Variants in PRRC2B observed in about 807,000 individuals in gnomAD.
PRRC2B encodes proline rich coiled-coil 2B, also known as protein PRRC2B.
PRRC2B carries 68 observed loss-of-function variants against 242.3 expected under a neutral mutation model. The ratio of observed to expected loss-of-function variants is 0.28; its 90% CI spans 0.23 to 0.34. PRRC2B has a LOEUF of 0.34. Ranked by LOEUF, PRRC2B falls within the 10% of genes least tolerant of loss-of-function variation. The pLI is 1.00. For missense variants in PRRC2B, 2,835 were observed against 2,954.8 expected (o/e 0.96, Z 0.94); for synonymous variants, 1,228 against 1,173.6 (o/e 1.05, Z -0.95).
intron 1 of PRRC2B, among the ~76,000 whole-genome samples, chr9:131,397,327 A>C (rs1214058951): frequency 6.6e-6 from 1 of 151,928 alleles, no homozygotes; most frequent in Non-Finnish European, 1.5e-5. Context: ...TCCAGCCTCC[A>C]CTGGGCCCAA....
At chr9:131,421,151 G>C (rs1174240064) in intron 1 of PRRC2B, among the ~76,000 whole-genome samples, 1 of 152,220 alleles carries the variant, frequency 6.6e-6, no homozygotes, top group Non-Finnish European at 1.5e-5. Flanking sequence ...TACATTTACT[G>C]TCTGGCCCTT....
chr9:131,472,459 C>G (rs1403285924), intron 14 of PRRC2B, among the ~76,000 whole-genome samples: 2 of 149,664 alleles, frequency 1.3e-5, no homozygotes, highest in Non-Finnish European at 3.0e-5. Flanking sequence ...CGCCCACCAC[C>G]ACGCCCAGCT....
rs753324352 is a variant in PRRC2B, at chr9:131,470,948, C to T, written c.2072C>T (p.Pro691Leu). The stretch of plus-strand genomic sequence containing the variant: ...CCACGTATCACGCCCACTCGGACCC[C>T]GGTGGACTTCTACCCCTCCGCCCTG... ...MDPRITPTRT[P>L]VDFYPSALHP... The change falls in exon 14 of 32, where the codon CCG (proline) becomes CTG (leucine). Residue 691 changes from proline (P) to leucine (L), a missense_variant. Around this residue, in one of 7 missense-constraint regions of PRRC2B, gnomAD observed 1,536 missense variants for 1,483.1 expected, o/e 1.04. Transcript: ENST00000683519. 25 of 1,612,084 alleles carry T rather than the reference C, an allele frequency of 1.6e-5. No individual in the cohort carries two copies. Among genetic ancestry groups the T allele is most frequent in the East Asian group, 1.1e-4 (5 of 44,708 alleles).
intron 10 of PRRC2B, 35 bp from the exon 11 acceptor site, chr9:131,459,129 T>A: frequency 6.3e-7 from 1 of 1,598,524 alleles, no homozygotes; most frequent in Non-Finnish European, 8.6e-7. Context: ...TTGGCCTGAG[T>A]GCAAAAACTT....
At chr9:131,416,218 T>G (rs558011629) in intron 1 of PRRC2B, among the ~76,000 whole-genome samples, 104 of 152,128 alleles carry the variant, frequency 6.8e-4, no homozygotes, top group Middle Eastern at 3.4e-3. Flanking sequence ...AAGTGATTCT[T>G]CTGCCTCAGC....
chr9:131,406,340 C>T (rs989470336), intron 1 of PRRC2B, among the ~76,000 whole-genome samples: 10 of 152,278 alleles, frequency 6.6e-5, no homozygotes, highest in African/African-American at 2.2e-4. Flanking sequence ...TCTGTTCCCA[C>T]GAGCAAGGGC....
chr9:131,387,014 C>CTTTT (rs1042720965), intron 1 of PRRC2B, among the ~76,000 whole-genome samples: 13 of 147,976 alleles, frequency 8.8e-5, no homozygotes, highest in Admixed American at 7.2e-4. Context: ...TTCTTTCTTT[C>CTTTT]TTTTTTGAGA....
intron 1 of PRRC2B, among the ~76,000 whole-genome samples, chr9:131,418,144 T>C (rs55683397): frequency 0.01 from 1,533 of 152,370 alleles, 23 homozygotes; most frequent in Non-Finnish European, 0.013. Flanking sequence ...TGAACTCCTC[T>C]GTGCCAAGGA....
At position 131,446,791 on chromosome 9, in the gene PRRC2B, C is replaced by G. The variant is rs950378465; in HGVS notation, c.855+149C>G. The G allele has an allele frequency of 1.0e-6, 1 of 982,078 alleles. No homozygotes were observed. The allele number at this position is 982,078 out of a possible 1,614,324, so 60.8% of individuals were successfully genotyped here. Reference sequence around the variant, plus strand: ...TCCACTCGTTTTGCATTTTCTCTCCCTGCTTTTTAAATCTTCAGGGCCTCT... The same window carrying G: ...TCCACTCGTTTTGCATTTTCTCTCCGTGCTTTTTAAATCTTCAGGGCCTCT... On this transcript the variant is annotated intron_variant, in intron 7 of 31. Coordinates refer to ENST00000683519, the MANE Select transcript of PRRC2B (RefSeq NM_013318.4). This position sits in a 1 kb window ranked among gnomAD's most constrained non-coding sequence, Gnocchi z 4.1.
rs758669139 is a variant in PRRC2B at position 131,439,004 on chromosome 9, C to T, written c.412C>T (p.Pro138Ser). Residue 138 changes from proline (P) to serine (S), a missense_variant, in exon 5 of 32, where the codon CCA becomes TCA. Transcript: ENST00000683519. ...SISQENTNSV[P>S]GGPKSWAQLN... is the part of the protein sequence containing the mutation. ...CTTCTTTCAGAATACAAATTCAGTG[C>T]CAGGTGGACCAAAGTCATGGGCACA... is the stretch of plus-strand genomic sequence containing the variant. 1.5e-5 allele frequency: 24 copies of T among 1,613,162 alleles called. No individual in the cohort carries two copies. Among genetic ancestry groups the T allele is most frequent in the Non-Finnish European group, 1.4e-5 (16 of 1,179,486 alleles).
intron 1 of PRRC2B, among the ~76,000 whole-genome samples, chr9:131,397,303 G>A (rs775592010): frequency 2.0e-5 from 3 of 152,118 alleles, no homozygotes; most frequent in Non-Finnish European, 2.9e-5. Flanking sequence ...GTCCCATCTC[G>A]TACAGTGGCC....
chr9:131,442,070 G>C (rs766583366), intron 5 of PRRC2B, among the ~76,000 whole-genome samples: 1 of 152,066 alleles, frequency 6.6e-6, no homozygotes, highest in Non-Finnish European at 1.5e-5. Flanking sequence ...GAAAGAGATG[G>C]AACAGCAATG....
At chr9:131,440,955 G>C (rs1838550228) in intron 5 of PRRC2B, among the ~76,000 whole-genome samples, 1 of 152,048 alleles carries the variant, frequency 6.6e-6, no homozygotes, top group African/African-American at 2.4e-5. Context: ...CAAAAAATCA[G>C]CCAAGTGTGG....
Position 131,482,733 on chromosome 9 carries a change from G to A in PRRC2B, c.5199G>A (p.Gln1733=). 6.2e-7 allele frequency: 1 copy of A among 1,603,654 alleles called. No homozygotes were observed. The highest frequency in any genetic ancestry group is 8.5e-7 in the Non-Finnish European group (1 of 1,175,612). The change falls in exon 22 of 32, where the codon CAG becomes CAA. Residue 1733 remains glutamine, a synonymous_variant. Transcript: ENST00000683519. This position sits in a 1 kb window ranked among gnomAD's most constrained non-coding sequence, Gnocchi z 5.2. ...EQKDSEQGSG[Q]SKEHRPGPIG... ...AGGATTCAGAACAAGGCTCTGGACAGAGCAAGGAGCACAGACCAGGACCCA... is the reference window on the plus strand; with the variant it reads ...AGGATTCAGAACAAGGCTCTGGACAAAGCAAGGAGCACAGACCAGGACCCA...
chr9:131,495,710 A>G (rs1429816848), intron 31 of PRRC2B, 30 bp from the exon 32 acceptor site: 6 of 1,589,586 alleles, frequency 3.8e-6, no homozygotes, highest in Admixed American at 1.7e-5. Flanking sequence ...CGTCAGGGTC[A>G]CTTTGTTTTT....
Position 131,447,182 on chromosome 9 carries a change from A to G in PRRC2B, c.953A>G (p.Gln318Arg), listed in dbSNP as rs746902974. 23 of 1,613,976 alleles carry G rather than the reference A, an allele frequency of 1.4e-5. 1 individual carries two copies. The South Asian group carries it at 2.3e-4, about 16-fold the overall frequency. ...CTTGAACCTCGAGTTCCTTTTAGAC[A>G]GTTCCAGATGAATGACCAAGACGGG... is the stretch of plus-strand genomic sequence containing the variant. ...LRLEPRVPFR[Q>R]FQMNDQDGKE... The change falls in exon 8 of 32, where the codon CAG (glutamine) becomes CGG (arginine). Residue 318 changes from glutamine (Q) to arginine (R), a missense_variant. This residue lies in a region of PRRC2B where 626 missense variants were observed against 685.5 expected (regional missense o/e 0.91). Transcript: ENST00000683519.
chr9:131,407,639 A>G (rs907068270), intron 1 of PRRC2B, among the ~76,000 whole-genome samples: 9 of 152,210 alleles, frequency 5.9e-5, no homozygotes, highest in Non-Finnish European at 1.2e-4. Flanking sequence ...GCTGGAGATT[A>G]TTTATACCAA....
At chr9:131,415,969 A>G (rs1174023983) in intron 1 of PRRC2B, among the ~76,000 whole-genome samples, 2 of 147,412 alleles carry the variant, frequency 1.4e-5, no homozygotes, top group South Asian at 2.2e-4. Flanking sequence ...CCCCACCCCC[A>G]TGTTTCTGGA....
chr9:131,376,277 C>T (rs1836683452), intron 1 of PRRC2B, among the ~76,000 whole-genome samples: 2 of 150,744 alleles, frequency 1.3e-5, no homozygotes, highest in Non-Finnish European at 2.9e-5. Flanking sequence ...TTGCTTGAAC[C>T]TGGGTGGTGG....
Sources: allele counts gnomAD v4.1 joint callset (sites outside exome capture counted in the v4.1 genomes callset), GRCh38; gene constraint gnomAD v4.1.1; regional missense constraint gnomAD v4.1.1; non-coding constraint Gnocchi (gnomAD v3.1); transcripts MANE v1.5; gene names NCBI Gene and HGNC (gene_info 2026-07-23, HGNC 2026-07-21).